ATP13A4: variants seen among roughly 807,000 people sequenced by gnomAD.
The protein encoded by ATP13A4 is probable cation-transporting ATPase 13A4.
In ATP13A4, 114 loss-of-function variants were observed where a neutral mutation model predicts 142.5. The ratio of observed to expected loss-of-function variants is 0.80; its 90% CI spans 0.69 to 0.93. ATP13A4 has a LOEUF of 0.93. ATP13A4 is among the 40% of genes least tolerant of loss of function. The pLI is 0.00. For synonymous variants in ATP13A4, 488 were observed against 514.8 expected, an observed-to-expected ratio of 0.95 and a Z score of 0.70; for missense variants, 1,392 against 1,454.0, an observed-to-expected ratio of 0.96 and a Z score of 0.69.
chr3:193,533,657 A>C (rs565109131), intron 1 of ATP13A4, among the ~76,000 whole-genome samples: 2 of 152,180 alleles, frequency 1.3e-5, no homozygotes, highest in Non-Finnish European at 2.9e-5. Flanking sequence ...AGAAAACTTT[A>C]AGACAATAAC....
chr3:193,477,816 C>T (rs1719057884), intron 8 of ATP13A4, among the ~76,000 whole-genome samples: 2 of 152,072 alleles, frequency 1.3e-5, no homozygotes, highest in Non-Finnish European at 2.9e-5. Context: ...GGGAGAGCCA[C>T]GAAGATCTGC....
chr3:193,565,764 AC>A (rs1480570530), intron 2 of ATP13A4, among the ~76,000 whole-genome samples: 1 of 152,244 alleles, frequency 6.6e-6, no homozygotes, highest in African/African-American at 2.4e-5. Flanking sequence ...GGGCTTGCAG[AC>A]CAAACACTAT....
At chr3:193,455,236 AG>A (rs573849573) in intron 16 of ATP13A4, among the ~76,000 whole-genome samples, 142 of 148,870 alleles carry the variant, frequency 9.5e-4, no homozygotes, top group African/African-American at 3.4e-3. Context: ...AACTACTAGG[AG>A]GGCTGAGGCA....
intron 1 of ATP13A4, among the ~76,000 whole-genome samples, chr3:193,590,571 T>A (rs888985054): frequency 3.3e-5 from 5 of 152,060 alleles, no homozygotes; most frequent in Admixed American, 2.0e-4. Context: ...ACAAAGGTGG[T>A]TTTTGGTTCC....
rs1277146876 is a variant in ATP13A4, at chr3:193,513,556, TG to T, written c.234+1141del. Among the ~76,000 whole-genome samples, 16 of 152,256 alleles carry T rather than the reference TG, an allele frequency of 1.1e-4. No homozygotes were observed. In the East Asian group the frequency reaches 3.1e-3, roughly 29 times the overall value. ...CAGAATCGCTACCACATGCAGGAAC[TG>T]GGGGTGCAGCAATTAACACGTTAGA... is the stretch of plus-strand genomic sequence containing the variant. On this transcript the variant is annotated intron_variant, in intron 2 of 29. Coordinates refer to ENST00000342695, the MANE Select transcript of ATP13A4 (RefSeq NM_032279.4).
upstream of ATP13A4, among the ~76,000 whole-genome samples, chr3:193,559,942 G>A (rs1384067841): frequency 3.3e-5 from 5 of 152,192 alleles, no homozygotes; most frequent in African/African-American, 1.2e-4. Flanking sequence ...ATGGTCCCCA[G>A]GCAGAAGCTT....
rs550914556 is a variant in ATP13A4 at position 193,582,678 on chromosome 3, T to C, written n.92-772A>G. 4.5e-4 allele frequency among the ~76,000 whole-genome samples: 31 copies of C among 69,034 alleles called. 7 individuals carry two copies. In the South Asian group the frequency reaches 5.7e-3, roughly 13 times the overall value. The allele number at this position is 69,034 out of a possible 152,430, so 45.3% of individuals were successfully genotyped here. A position where few individuals can be genotyped will look rare whatever the true frequency, so the allele number is the denominator to read the frequency against. On this transcript the variant is annotated intron_variant and non_coding_transcript_variant, in intron 1 of 3. Transcript: ENST00000489140. ...ATACATTATATATGTATATTACATA[T>C]ATATTATATATGTGTATAACATATA...
intron 8 of ATP13A4, among the ~76,000 whole-genome samples, chr3:193,482,759 C>T (rs1719365840): frequency 6.6e-6 from 1 of 152,176 alleles, no homozygotes; most frequent in Non-Finnish European, 1.5e-5. Context: ...CAAGTGTTGT[C>T]AAGAATGTGG....
At chr3:193,476,466 C>A (rs1405447585) in intron 8 of ATP13A4, among the ~76,000 whole-genome samples, 1 of 152,100 alleles carries the variant, frequency 6.6e-6, no homozygotes, top group Non-Finnish European at 1.5e-5. Context: ...ACAACTTTCT[C>A]CGCATCCACA....
chr3:193,446,005 G>A (rs1227023179), intron 18 of ATP13A4, among the ~76,000 whole-genome samples: 1 of 151,268 alleles, frequency 6.6e-6, no homozygotes, highest in Non-Finnish European at 1.5e-5. Flanking sequence ...ATTATAAAAA[G>A]ATACAATCTA....
chr3:193,556,118 G>A (rs1309418674), upstream of ATP13A4, among the ~76,000 whole-genome samples: 1 of 152,080 alleles, frequency 6.6e-6, no homozygotes, highest in East Asian at 1.9e-4. Context: ...GCTACCTTGG[G>A]ATATAACAAG....
At chr3:193,481,531 G>A (rs1006295495) in intron 8 of ATP13A4, among the ~76,000 whole-genome samples, 1 of 152,144 alleles carries the variant, frequency 6.6e-6, no homozygotes, top group Non-Finnish European at 1.5e-5. Context: ...GAGCATTTTT[G>A]TGTTTTTCAG....
intron 1 of ATP13A4, among the ~76,000 whole-genome samples, chr3:193,582,547 T>TTA (rs202190662): frequency 0.082 from 10,942 of 133,780 alleles, 1,051 homozygotes; most frequent in African/African-American, 0.21. Context: ...ATTACATATA[T>TTA]TATATGTATT....
At chr3:193,482,444 C>A (rs1450132810) in intron 8 of ATP13A4, among the ~76,000 whole-genome samples, 2 of 152,032 alleles carry the variant, frequency 1.3e-5, no homozygotes, top group Non-Finnish European at 2.9e-5. Context: ...AAAATGTCTG[C>A]TCTTTGAAAA....
chr3:193,573,417 T>C (rs182063324), intron 2 of ATP13A4, among the ~76,000 whole-genome samples: 31 of 150,660 alleles, frequency 2.1e-4, no homozygotes, highest in African/African-American at 7.1e-4. Flanking sequence ...CCCTTCACCA[T>C]CTGGTGACAA....
In ATP13A4 at chr3:193,588,840, TA is replaced by T. The variant is rs568698168; in HGVS notation, n.91+4180del. 6.3e-4 allele frequency among the ~76,000 whole-genome samples: 96 copies of T among 152,142 alleles called. 1 individual carries two copies. The highest frequency in any genetic ancestry group is 1.7e-3 in the East Asian group (9 of 5,172). On this transcript the variant is annotated intron_variant and non_coding_transcript_variant, in intron 1 of 3. Transcript: ENST00000489140. ...GGTGGGAACTGTGGTTTACTCTTTT[TA>T]AAAAAATATATCCTCAGGCCTGGCA... is the stretch of plus-strand genomic sequence containing the variant.
intron 25 of ATP13A4, among the ~76,000 whole-genome samples, chr3:193,417,656 AC>A (rs1383936974): frequency 6.6e-6 from 1 of 152,228 alleles, no homozygotes; most frequent in Non-Finnish European, 1.5e-5. Context: ...ACTGCTTTCA[AC>A]AGTGTGCTGG....
chr3:193,403,947 C>A, intron 29 of ATP13A4: 1 of 985,324 alleles, frequency 1.0e-6, no homozygotes, highest in Non-Finnish European at 1.2e-6. Flanking sequence ...AAAATCTACC[C>A]ATTTTTGCCA....
Position 193,506,895 on chromosome 3 carries a change from T to C in ATP13A4, c.235-4256A>G, listed in dbSNP as rs144811007. Among the ~76,000 whole-genome samples, 175 of 152,296 alleles carry C rather than the reference T, an allele frequency of 1.1e-3. 4 individuals are homozygous for C. The East Asian group carries it at 0.026, about 23-fold the overall frequency. On this transcript the variant is annotated intron_variant, in intron 2 of 29. Transcript: ENST00000342695. The stretch of plus-strand genomic sequence containing the variant: ...TGCTGAACTGTGAGTCAATTAAACC[T>C]CTTTCCTTTATAAATTACCCAGTTT...
Sources: allele counts gnomAD v4.1 joint callset (sites outside exome capture counted in the v4.1 genomes callset), GRCh38; gene constraint gnomAD v4.1.1; transcripts MANE v1.5; gene names NCBI Gene and HGNC (gene_info 2026-07-23, HGNC 2026-07-21).